Variants in BORCS5 observed in about 807,000 individuals in gnomAD.
BORCS5 encodes the protein BLOC-1 related complex subunit 5.
BORCS5 carries 17 observed loss-of-function variants against 22.1 expected under a neutral mutation model. That is an observed-to-expected ratio of 0.77 (90% confidence interval 0.53 to 1.15). BORCS5 has a LOEUF of 1.15. BORCS5 is among the 50% of genes most tolerant of loss of function. BORCS5 has a pLI of 0.00. For missense variants in BORCS5, 247 were observed against 253.2 expected (o/e 0.98, Z 0.17); for synonymous variants, 117 against 99.8 (o/e 1.17, Z -1.03).
At chr12:12,462,256 T>C (rs1420914234) in intron 3 of BORCS5, among the ~76,000 whole-genome samples, 1 of 152,216 alleles carries the variant, frequency 6.6e-6, no homozygotes, top group East Asian at 1.9e-4. Context: ...GGACAGTCTT[T>C]TAAGTGGCCA....
At chr12:12,392,598 T>G (rs1592080759) in intron 2 of BORCS5, among the ~76,000 whole-genome samples, 1 of 152,216 alleles carries the variant, frequency 6.6e-6, no homozygotes, top group East Asian at 1.9e-4. Context: ...AACAGTATCC[T>G]TATCTATAAA....
intron 3 of BORCS5, among the ~76,000 whole-genome samples, chr12:12,436,823 A>G (rs1942566296): frequency 6.6e-6 from 1 of 152,228 alleles, no homozygotes; most frequent in Non-Finnish European, 1.5e-5. Context: ...TTGCATGCAT[A>G]TACTCTTCTC....
rs1027042083 is a variant in BORCS5, at chr12:12,396,120, T to C, written c.202+34771T>C. ...CTCCTGCCTCAGCCTCCCGTGTAGC[T>C]GAGATTACAGGCCCACATTACCACG... On this transcript the variant is annotated intron_variant, in intron 2 of 3. Coordinates refer to ENST00000314565, the MANE Select transcript of BORCS5 (RefSeq NM_058169.6). 7.2e-5 allele frequency among the ~76,000 whole-genome samples: 11 copies of C among 152,194 alleles called. No individual in the cohort carries two copies. In the East Asian group the frequency reaches 1.7e-3, roughly 24 times the overall value.
chr12:12,384,245 G>A (rs571423189), intron 2 of BORCS5, among the ~76,000 whole-genome samples: 1 of 151,138 alleles, frequency 6.6e-6, no homozygotes, highest in East Asian at 1.9e-4. Flanking sequence ...GCCTCCCAAA[G>A]TGCTGGGATT....
intron 2 of BORCS5, among the ~76,000 whole-genome samples, chr12:12,419,238 C>G (rs548100615): frequency 6.6e-6 from 1 of 152,270 alleles, no homozygotes; most frequent in East Asian, 1.9e-4. Context: ...TGTTCCCCGC[C>G]CTGTGTCCAA....
chr12:12,358,187 G>A (rs1863190091), intron 1 of BORCS5, among the ~76,000 whole-genome samples: 1 of 152,210 alleles, frequency 6.6e-6, no homozygotes. Flanking sequence ...AGGACCATTT[G>A]CTGCTTTTTT....
intron 2 of BORCS5, among the ~76,000 whole-genome samples, chr12:12,418,201 G>GT (rs75687170): frequency 0.037 from 5,086 of 136,180 alleles, 276 homozygotes; most frequent in African/African-American, 0.12. Context: ...TTTTTTTTTT[G>GT]TTTTTTTTTT....
chr12:12,444,618 A>G (rs965895901), intron 3 of BORCS5, among the ~76,000 whole-genome samples: 12 of 152,228 alleles, frequency 7.9e-5, no homozygotes, highest in African/African-American at 2.9e-4. Context: ...GTCATCTTCG[A>G]ACTTAGATTC....
intron 2 of BORCS5, among the ~76,000 whole-genome samples, chr12:12,434,323 C>T (rs982896060): frequency 1.3e-5 from 2 of 149,100 alleles, no homozygotes; most frequent in Non-Finnish European, 3.0e-5. Flanking sequence ...GTGCCCTGCA[C>T]GTGACCTACT....
intron 3 of BORCS5, among the ~76,000 whole-genome samples, chr12:12,460,995 AC>A (rs1197937520): frequency 6.6e-6 from 1 of 152,100 alleles, no homozygotes; most frequent in African/African-American, 2.4e-5. Flanking sequence ...ATGCCTAATA[AC>A]CTTAGTGAGG....
chr12:12,450,284 C>G (rs1363343575), intron 3 of BORCS5, among the ~76,000 whole-genome samples: 1 of 152,172 alleles, frequency 6.6e-6, no homozygotes, highest in African/African-American at 2.4e-5. Flanking sequence ...TTGCTCAGGA[C>G]CCTTGCACCT....
intron 2 of BORCS5, among the ~76,000 whole-genome samples, chr12:12,413,494 C>G (rs911978190): frequency 2.0e-5 from 3 of 150,418 alleles, no homozygotes; most frequent in Non-Finnish European, 4.4e-5. Flanking sequence ...CCACACAGAC[C>G]CGGCAACCAT....
At chr12:12,429,457 C>T (rs1047615390) in intron 2 of BORCS5, among the ~76,000 whole-genome samples, 4 of 152,100 alleles carry the variant, frequency 2.6e-5, no homozygotes, top group Admixed American at 1.3e-4. Context: ...GCAGGATTTG[C>T]GGTGGGTTTA....
At chr12:12,419,767 G>T (rs527770940) in intron 2 of BORCS5, among the ~76,000 whole-genome samples, 1 of 152,240 alleles carries the variant, frequency 6.6e-6, no homozygotes, top group South Asian at 2.1e-4. Flanking sequence ...TCTCATTGTG[G>T]TTTTGATTCG....
At chr12:12,458,073 AAGG>A (rs1409100250) in intron 3 of BORCS5, among the ~76,000 whole-genome samples, 2 of 152,232 alleles carry the variant, frequency 1.3e-5, no homozygotes, top group Admixed American at 1.3e-4. Context: ...GGCTTTAGCA[AAGG>A]AGTTCTGTTG....
intron 2 of BORCS5, among the ~76,000 whole-genome samples, chr12:12,397,461 CTGAT>C (rs1941377588): frequency 1.3e-5 from 2 of 152,346 alleles, no homozygotes; most frequent in Admixed American, 1.3e-4. Flanking sequence ...CTTCTGCATT[CTGAT>C]AATTAAGTCT....
chr12:12,400,668 A>T (rs749796994), intron 2 of BORCS5, among the ~76,000 whole-genome samples: 1 of 151,682 alleles, frequency 6.6e-6, no homozygotes, highest in African/African-American at 2.4e-5. Context: ...TTTGCTTCAG[A>T]TCTCTTTCCC....
At chr12:12,413,830 G>C in intron 2 of BORCS5, among the ~76,000 whole-genome samples, 1 of 74,512 alleles carries the variant, frequency 1.3e-5, no homozygotes, top group African/African-American at 7.9e-5. Context: ...CTGGCCAGGC[G>C]GGGGGCTGGC....
intron 3 of BORCS5, among the ~76,000 whole-genome samples, chr12:12,458,694 TG>T (rs1943043973): frequency 6.7e-6 from 1 of 150,250 alleles, no homozygotes; most frequent in African/African-American, 2.4e-5. Context: ...TTCTCCTGGC[TG>T]GCCACGGTGG....
Sources: allele counts gnomAD v4.1 joint callset (sites outside exome capture counted in the v4.1 genomes callset), GRCh38; gene constraint gnomAD v4.1.1; transcripts MANE v1.5; gene names NCBI Gene and HGNC (gene_info 2026-07-23, HGNC 2026-07-21).